CCDC86: variants seen among roughly 807,000 people sequenced by gnomAD.
CCDC86 encodes the protein coiled-coil domain containing 86.
CCDC86 carries 28 observed loss-of-function variants against 36.7 expected under a neutral mutation model. That is an observed-to-expected ratio of 0.76 (90% CI 0.57 to 1.05). The LOEUF (loss-of-function observed/expected upper bound fraction) is 1.05. Among genes scored for constraint, CCDC86 ranks in the 50% least tolerant of loss-of-function variants. The pLI is 0.00. For missense variants in CCDC86, 453 were observed against 470.2 expected (o/e 0.96, Z 0.34); for synonymous variants, 199 against 203.4 (o/e 0.98, Z 0.18).
chr11:60,847,245 A>G (rs909096567), intron 1 of CCDC86, among the ~76,000 whole-genome samples: 1 of 151,990 alleles, frequency 6.6e-6, no homozygotes, highest in African/African-American at 2.4e-5. Flanking sequence ...CATCACACCC[A>G]GCTAATTTTT....
At chr11:60,849,715 A>C (rs1590575194) in intron 2 of CCDC86, among the ~76,000 whole-genome samples, 1 of 151,820 alleles carries the variant, frequency 6.6e-6, no homozygotes, top group African/African-American at 2.4e-5. Flanking sequence ...TCCCATACCC[A>C]CCTCTCAACA....
Position 60,842,437 on chromosome 11 carries a change from A to C in CCDC86, c.313A>C (p.Arg105=), listed in dbSNP as rs748108995. 2.5e-6 allele frequency: 4 copies of C among 1,613,854 alleles called. No individual in the cohort carries two copies. Among genetic ancestry groups the C allele is most frequent in the Non-Finnish European group, 3.4e-6 (4 of 1,180,018 alleles). The change falls in exon 1 of 4, where the codon AGA becomes CGA. Residue 105 remains arginine, a synonymous_variant. Transcript: ENST00000227520. ...AGACCTACACCTGGAGTCGCCTCAA[A>C]GACAGCCAGAGTACAGTCCTGAATC... ...QQDLHLESPQ[R]QPEYSPESPR...
chr11:60,845,943 G>C (rs1855178377), intron 1 of CCDC86, among the ~76,000 whole-genome samples: 1 of 152,204 alleles, frequency 6.6e-6, no homozygotes, highest in Non-Finnish European at 1.5e-5. Context: ...CCAGCCACAT[G>C]TGGCTATGTA....
intron 2 of CCDC86, among the ~76,000 whole-genome samples, chr11:60,848,621 GA>G (rs1382100271): frequency 6.6e-6 from 1 of 152,140 alleles, no homozygotes; most frequent in Non-Finnish European, 1.5e-5. Context: ...GCGGGGGGAA[GA>G]GGGCACTCAG....
chr11:60,842,462 C>T lies in CCDC86; in HGVS notation c.338C>T (p.Ser113Phe). Residue 113 changes from serine to phenylalanine, a missense_variant, in exon 1 of 4, where the codon TCC (serine) becomes TTC (phenylalanine). Physicochemically the swap from Ser to Phe is radical, Grantham distance 155. Coordinates refer to ENST00000227520, the MANE Select transcript of CCDC86 (RefSeq NM_024098.4). ...PQRQPEYSPESPRCQPKPSEE... is the reference protein window; with the variant it reads ...PQRQPEYSPEFPRCQPKPSEE... The stretch of plus-strand genomic sequence containing the variant: ...AGACAGCCAGAGTACAGTCCTGAAT[C>T]CCCACGATGTCAGCCGAAGCCAAGT... 1.2e-6 allele frequency: 2 copies of T among 1,613,700 alleles called. No homozygotes were observed. The highest frequency in any genetic ancestry group is 3.3e-5 in the Admixed American group (2 of 60,002).
rs757515459 is a variant in CCDC86 at position 60,842,201 on chromosome 11, C to T, written c.77C>T (p.Ser26Leu). The change falls in exon 1 of 4, where the codon TCG becomes TTG. Residue 26 changes from serine to leucine, a missense_variant. Transcript: ENST00000227520. ...PESPESLTSV[S>L]RTRRALVEFE... is the part of the protein sequence containing the mutation. Reference sequence around the variant, plus strand: ...TCCCCCGAGAGCCTCACCTCAGTTTCGCGGACGAGACGGGCCCTTGTGGAG... The same window carrying T: ...TCCCCCGAGAGCCTCACCTCAGTTTTGCGGACGAGACGGGCCCTTGTGGAG... 6.2e-7 allele frequency: 1 copy of T among 1,613,200 alleles called. No homozygotes were observed. The highest frequency in any genetic ancestry group is 1.1e-5 in the South Asian group (1 of 91,054).
rs1373810112 is a variant in CCDC86 at position 60,850,351 on chromosome 11, T to C, written c.*26T>C. ...GCTCAGGACGGCCCGAGGCCTTCCA[T>C]GGCCAACAACCATGTCAGACACAGC... On this transcript the variant is annotated 3_prime_UTR_variant, in exon 4 of 4. Transcript: ENST00000227520. 1.2e-6 allele frequency: 2 copies of C among 1,610,816 alleles called. No individual in the cohort carries two copies. Among genetic ancestry groups the C allele is most frequent in the East Asian group, 4.5e-5 (2 of 44,782 alleles).
At position 60,848,052 on chromosome 11, in the gene CCDC86, A is replaced by G. The variant is rs1565096403; in HGVS notation, c.887A>G (p.Gln296Arg). ...GAGGAGGAGAAGGAGAGGCGCCGCCAGGTGAGGGGCCAGCCAGGCTGAGGC... is the reference window on the plus strand; with the variant it reads ...GAGGAGGAGAAGGAGAGGCGCCGCCGGGTGAGGGGCCAGCCAGGCTGAGGC... ...HLEEEKERRR[Q>R]EKKQRRAENL... The change falls in exon 2 of 4, where the codon CAG becomes CGG. Residue 296 changes from glutamine (Q) to arginine (R), a missense_variant and splice_region_variant. Physicochemically the swap from Gln to Arg is conservative, Grantham distance 43. Coordinates refer to ENST00000227520, the MANE Select transcript of CCDC86 (RefSeq NM_024098.4). The G allele has an allele frequency of 6.2e-7, 1 of 1,612,218 alleles. No individual in the cohort carries two copies. The highest frequency in any genetic ancestry group is 8.5e-7 in the Non-Finnish European group (1 of 1,178,888).
In CCDC86 at chr11:60,850,368, A is replaced by G. The variant is rs1348511480; in HGVS notation, c.*43A>G. ...GCCTTCCATGGCCAACAACCATGTC[A>G]GACACAGCACCTCAGGCCGCTGCTC... is the stretch of plus-strand genomic sequence containing the variant. On this transcript the variant is annotated 3_prime_UTR_variant, in exon 4 of 4. Transcript: ENST00000227520. 2 of 1,605,168 alleles carry G rather than the reference A, an allele frequency of 1.2e-6. No homozygotes were observed. The highest frequency in any genetic ancestry group is 1.7e-6 in the Non-Finnish European group (2 of 1,173,472).
rs1273927391 is a variant in CCDC86 at position 60,842,692 on chromosome 11, C to T, written c.568C>T (p.Arg190Trp). The T allele has an allele frequency of 5.0e-6, 8 of 1,613,728 alleles. No homozygotes were observed. The highest frequency in any genetic ancestry group is 3.3e-4 in the Middle Eastern group (2 of 6,084). Residue 190 changes from arginine to tryptophan, a missense_variant, in exon 1 of 4, where the codon CGG becomes TGG. Physicochemically the swap from Arg to Trp is moderately radical, Grantham distance 101 (BLOSUM62 -3). Coordinates refer to ENST00000227520, the MANE Select transcript of CCDC86 (RefSeq NM_024098.4). ...ELTPRAPGSP[R>W]GQHEPSKPPP... ...GACACCCAGGGCACCTGGCTCCCCC[C>T]GGGGTCAGCATGAGCCGAGCAAGCC...
chr11:60,850,081 C>T, intron 3 of CCDC86, 67 bp downstream of exon 3: 2 of 1,605,310 alleles, frequency 1.2e-6, no homozygotes, highest in Non-Finnish European at 1.7e-6. Flanking sequence ...GGCCTCGACC[C>T]CTGCCTCATG....
rs1855180058 is a variant in CCDC86 at position 60,846,196 on chromosome 11, C to T, written c.759-1728C>T. Among the ~76,000 whole-genome samples the T allele has an allele frequency of 2.6e-5, 4 of 152,166 alleles. 1 individual carries two copies. In the South Asian group the frequency reaches 8.3e-4, roughly 32 times the overall value. On this transcript the variant is annotated intron_variant, in intron 1 of 3. Transcript: ENST00000227520. ...CAACACCTTGTCCCTTCAGGGTTCT[C>T]GTACCCCAGCTTGGGAAGCCCAGCT...
rs781704900 is a variant in CCDC86, at chr11:60,842,118, C to T, written c.-7C>T. The T allele has an allele frequency of 6.5e-7, 1 of 1,531,350 alleles. No homozygotes were observed. Among genetic ancestry groups the T allele is most frequent in the South Asian group, 1.2e-5 (1 of 80,334 alleles). 94.9% of individuals were successfully genotyped at this position (1,531,350 alleles called of 1,614,324 possible). On this transcript the variant is annotated 5_prime_UTR_variant, in exon 1 of 4. Coordinates refer to ENST00000227520, the MANE Select transcript of CCDC86 (RefSeq NM_024098.4). ...GCGCAGGGGTGTGGAAACTTACCGG[C>T]TGAGCCATGGATACACCGTTAAGGC...
chr11:60,848,189 C>T (rs1373271625), intron 2 of CCDC86, 136 bp downstream of exon 2: 25 of 1,145,282 alleles, frequency 2.2e-5, no homozygotes, highest in East Asian at 9.4e-5. Context: ...ATCTGAAGGC[C>T]GGAGGGAGGA....
chr11:60,848,072 T>C lies in CCDC86; in HGVS notation c.888+19T>C. On this transcript the variant is annotated intron_variant, in intron 2 of 3. Coordinates refer to ENST00000227520, the MANE Select transcript of CCDC86 (RefSeq NM_024098.4). ...CCGCCAGGTGAGGGGCCAGCCAGGC[T>C]GAGGCTGGGGCTCAGAGGACTAAGC... is the stretch of plus-strand genomic sequence containing the variant. 1 of 1,610,200 alleles carries C rather than the reference T, an allele frequency of 6.2e-7. No individual in the cohort carries two copies. Among genetic ancestry groups the C allele is most frequent in the East Asian group, 2.2e-5 (1 of 44,672 alleles).
At chr11:60,849,875 G>A in intron 2 of CCDC86, 65 bp from the exon 3 acceptor site, 1 of 1,379,396 alleles carries the variant, frequency 7.2e-7, no homozygotes, top group Non-Finnish European at 1.0e-6. Flanking sequence ...GCACTCTTCT[G>A]GGGCCTGAGA....
At chr11:60,849,828 G>A in intron 2 of CCDC86, 112 bp from the exon 3 acceptor site, 2 of 874,088 alleles carry the variant, frequency 2.3e-6, no homozygotes, top group Admixed American at 2.0e-5. Flanking sequence ...CTGGCAGAGA[G>A]GGCCTTTCCC....
chr11:60,850,079 C>T (rs1855239027), intron 3 of CCDC86, 65 bp downstream of exon 3: 1 of 1,603,960 alleles, frequency 6.2e-7, no homozygotes, highest in Non-Finnish European at 8.5e-7. Context: ...AGGGCCTCGA[C>T]CCCTGCCTCA....
At position 60,842,727 on chromosome 11, in the gene CCDC86, T is replaced by C. The variant is rs899830396; in HGVS notation, c.603T>C (p.Ala201=). Residue 201 remains alanine (A), a synonymous_variant, in exon 1 of 4, where the codon GCT becomes GCC. Transcript: ENST00000227520. ...ATGAGCCGAGCAAGCCACCTCCAGC[T>C]GGGGAGACGGTGACAGGCGGCTTCG... ...GQHEPSKPPP[A]GETVTGGFGA... 2 of 1,613,574 alleles carry C rather than the reference T, an allele frequency of 1.2e-6. No individual in the cohort carries two copies. The highest frequency in any genetic ancestry group is 2.7e-5 in the African/African-American group (2 of 74,910).
Sources: allele counts gnomAD v4.1 joint callset (sites outside exome capture counted in the v4.1 genomes callset), GRCh38; gene constraint gnomAD v4.1.1; transcripts MANE v1.5; gene names NCBI Gene and HGNC (gene_info 2026-07-23, HGNC 2026-07-21).